Variants in ITPR1 observed in about 807,000 individuals in gnomAD.
ITPR1 encodes the protein inositol 1,4,5-trisphosphate receptor type 1.
In ITPR1, 96 loss-of-function variants were observed where a neutral mutation model predicts 318.4. The ratio of observed to expected loss-of-function variants is 0.30; its 90% CI spans 0.26 to 0.36. ITPR1 has a LOEUF of 0.36. Among genes scored for constraint, ITPR1 ranks in the 10% least tolerant of loss-of-function variants. The pLI is 1.00. For synonymous variants in ITPR1, 1,312 were observed against 1,289.9 expected, an observed-to-expected ratio of 1.02 and a Z score of -0.37; for missense variants, 2,440 against 3,460.2, an observed-to-expected ratio of 0.71 and a Z score of 7.40.
At chr3:4,577,080 C>T (rs1318224515) in intron 4 of ITPR1, among the ~76,000 whole-genome samples, 1 of 152,208 alleles carries the variant, frequency 6.6e-6, no homozygotes, top group African/African-American at 2.4e-5. Context: ...ATTTTTCCTA[C>T]AATGAATTGT....
rs2082541242 is a variant in ITPR1, at chr3:4,521,235, G to A, written c.163+141G>A. On this transcript the variant is annotated intron_variant, in intron 4 of 61. Coordinates refer to ENST00000649015, the MANE Select transcript of ITPR1 (RefSeq NM_001378452.1). ...TTTCAGAGTATGATTTGAGTTCTAA[G>A]CTTTACAACTTGAAAAATGCATACA... is the stretch of plus-strand genomic sequence containing the variant. The A allele has an allele frequency of 2.3e-5, 15 of 646,166 alleles. No homozygotes were observed. The South Asian group carries it at 2.6e-4, about 11-fold the overall frequency. The allele number at this position is 646,166 out of a possible 1,614,324, so 40.0% of individuals were successfully genotyped here. A position where few individuals can be genotyped will look rare whatever the true frequency, so the allele number is the denominator to read the frequency against.
At position 4,564,242 on chromosome 3, in the gene ITPR1, G is replaced by A. The variant is rs1284342599; in HGVS notation, c.163+43148G>A. On this transcript the variant is annotated intron_variant, in intron 4 of 61. Coordinates refer to ENST00000649015, the MANE Select transcript of ITPR1 (RefSeq NM_001378452.1). ...AGGCGTGAGCCACCGCACCCGGCCG[G>A]GATTGGTTCCTTCTGAAGGCATAGG... Among the ~76,000 whole-genome samples, 6 of 152,144 alleles carry A rather than the reference G, an allele frequency of 3.9e-5. No homozygotes were observed. In the East Asian group the frequency reaches 9.7e-4, roughly 25 times the overall value.
intron 22 of ITPR1, 47 bp from the exon 23 acceptor site, chr3:4,675,021 A>T: frequency 7.0e-6 from 7 of 1,005,886 alleles, no homozygotes; most frequent in Non-Finnish European, 1.1e-5. Context: ...ATTGAAGGGG[A>T]TGCAGTTTAT....
chr3:4,728,549 T>G (rs1007114925), intron 42 of ITPR1, among the ~76,000 whole-genome samples: 3 of 152,350 alleles, frequency 2.0e-5, no homozygotes, highest in Admixed American at 2.0e-4. Context: ...TCATGGAGAA[T>G]GGGGTATCCA....
rs111935036 is a variant in ITPR1, at chr3:4,747,247, C to T, written c.5544+11893C>T. 6.7e-3 allele frequency among the ~76,000 whole-genome samples: 1,027 copies of T among 152,296 alleles called. 12 individuals are homozygous for T. Among genetic ancestry groups the T allele is most frequent in the African/African-American group, 0.024 (987 of 41,550 alleles). Reference sequence around the variant, plus strand: ...AGGCGCCCTCACTGCATGGTCTCATCCATCTTCCTGGGGCGCCTATGTAGT... The same window carrying T: ...AGGCGCCCTCACTGCATGGTCTCATTCATCTTCCTGGGGCGCCTATGTAGT... On this transcript the variant is annotated intron_variant, in intron 44 of 61. Transcript: ENST00000649015.
chr3:4,689,378 A>C (rs765229880), intron 31 of ITPR1, among the ~76,000 whole-genome samples: 2 of 152,234 alleles, frequency 1.3e-5, no homozygotes, highest in Non-Finnish European at 2.9e-5. Context: ...ATTGTAGGAT[A>C]ATATAGGTTG....
chr3:4,811,146 A>T, intron 55 of ITPR1, 119 bp from the exon 56 acceptor site: 1 of 579,410 alleles, frequency 1.7e-6, no homozygotes, highest in Non-Finnish European at 2.9e-6. Flanking sequence ...TTAAGATCAT[A>T]TGTAGTGCTT....
chr3:4,556,792 G>A (rs112345714), intron 4 of ITPR1, among the ~76,000 whole-genome samples: 2 of 152,128 alleles, frequency 1.3e-5, no homozygotes, highest in Non-Finnish European at 1.5e-5. Flanking sequence ...GCAGGTTTTT[G>A]TGTGGACTTA....
intron 4 of ITPR1, among the ~76,000 whole-genome samples, chr3:4,576,020 A>C (rs1166609446): frequency 7.9e-6 from 1 of 125,960 alleles, no homozygotes. Flanking sequence ...ATGCTGTCTC[A>C]AAAAAAAAAA....
chr3:4,637,920 G>T (rs935115739), intron 5 of ITPR1, among the ~76,000 whole-genome samples: 1 of 152,160 alleles, frequency 6.6e-6, no homozygotes, highest in Non-Finnish European at 1.5e-5. Flanking sequence ...AGAAAGTAGC[G>T]TATAATAATA....
intron 4 of ITPR1, among the ~76,000 whole-genome samples, chr3:4,523,736 T>C (rs1477683793): frequency 1.3e-5 from 2 of 152,238 alleles, no homozygotes; most frequent in Non-Finnish European, 2.9e-5. Context: ...ATTCATGTTG[T>C]CACAAATGAA....
At chr3:4,503,266 C>A (rs1476925721) in intron 2 of ITPR1, among the ~76,000 whole-genome samples, 1 of 152,056 alleles carries the variant, frequency 6.6e-6, no homozygotes, top group African/African-American at 2.4e-5. Context: ...GGTAGTGAAA[C>A]CAAGCTGCTT....
chr3:4,530,287 G>T (rs1025636368), intron 4 of ITPR1, among the ~76,000 whole-genome samples: 1 of 152,210 alleles, frequency 6.6e-6, no homozygotes, highest in African/African-American at 2.4e-5. Context: ...TCCTGGCCCA[G>T]CACCTGGCAT....
At chr3:4,743,041 T>C (rs1319765423) in intron 44 of ITPR1, among the ~76,000 whole-genome samples, 2 of 152,258 alleles carry the variant, frequency 1.3e-5, no homozygotes, top group Non-Finnish European at 2.9e-5. Context: ...TTTTTGCCAC[T>C]AATAGTAATG....
intron 60 of ITPR1, among the ~76,000 whole-genome samples, chr3:4,832,880 G>A (rs2050617120): frequency 6.6e-6 from 1 of 152,336 alleles, no homozygotes; most frequent in African/African-American, 2.4e-5. Flanking sequence ...GAGGGGCAGA[G>A]ATGCCAGGAG....
chr3:4,565,342 T>G (rs926305081), intron 4 of ITPR1, among the ~76,000 whole-genome samples: 54 of 152,302 alleles, frequency 3.5e-4, no homozygotes, highest in African/African-American at 1.3e-3. Context: ...TAATAGCACC[T>G]CCACGTAAAA....
intron 10 of ITPR1, among the ~76,000 whole-genome samples, chr3:4,650,528 T>A (rs576586593): frequency 1.1e-4 from 17 of 152,206 alleles, no homozygotes; most frequent in Non-Finnish European, 2.2e-4. Context: ...CTGCCATGCA[T>A]CCTACCCCAA....
intron 29 of ITPR1, among the ~76,000 whole-genome samples, 168 bp from the exon 30 acceptor site, chr3:4,684,901 G>A (rs1306931632): frequency 2.0e-5 from 3 of 152,216 alleles, no homozygotes; most frequent in African/African-American, 7.2e-5. Flanking sequence ...TTAGTCTTAT[G>A]GATTTGGCTT....
intron 6 of ITPR1, among the ~76,000 whole-genome samples, chr3:4,640,257 C>G (rs532397438): frequency 1.9e-4 from 29 of 152,332 alleles, no homozygotes; most frequent in Middle Eastern, 3.4e-3. Flanking sequence ...TCCCCTTTCT[C>G]TTGCTATTAG....
Sources: allele counts gnomAD v4.1 joint callset (sites outside exome capture counted in the v4.1 genomes callset), GRCh38; gene constraint gnomAD v4.1.1; transcripts MANE v1.5; gene names NCBI Gene and HGNC (gene_info 2026-07-23, HGNC 2026-07-21).